Variants in JADE3 observed in about 807,000 individuals in gnomAD.
The protein encoded by JADE3 is protein Jade-3.
JADE3 carries 2 observed loss-of-function variants against 50.1 expected under a neutral mutation model. The ratio of observed to expected loss-of-function variants is 0.04; its 90% CI spans 0.02 to 0.13. The LOEUF is 0.13. Among genes scored for constraint, JADE3 ranks in the 10% least tolerant of loss-of-function variants. The pLI, the probability that JADE3 is intolerant of heterozygous loss-of-function variation, is 1.00. For missense variants in JADE3, 475 were observed against 634.4 expected (o/e 0.75, Z 2.70); for synonymous variants, 218 against 232.9 (o/e 0.94, Z 0.58).
rs1929583068 is a variant in JADE3 at position 47,054,302 on chromosome X, G to A, written c.1117G>A (p.Gly373Arg). The change falls in exon 9 of 11, where the codon GGA becomes AGA. Residue 373 changes from glycine (G) to arginine (R), a missense_variant. Physicochemically the swap from Gly to Arg is moderately radical, Grantham distance 125. Transcript: ENST00000614628. ...LKHSQNRQKL[G>R]EAEYPHHRAK... ...GCATAGCCAAAACAGGCAGAAACTT[G>A]GAGAAGCTGAGTACCCCCACCACAG... 15 of 1,210,117 alleles carry A rather than the reference G, an allele frequency of 1.2e-5. No individual in the cohort carries two copies. The highest frequency in any genetic ancestry group is 1.7e-5 in the Non-Finnish European group (15 of 895,044).
intron 1 of JADE3, among the ~76,000 whole-genome samples, chrX:46,917,834 C>CTCCCTCT (rs1556336773): frequency 4.7e-4 from 20 of 42,526 alleles, no homozygotes; most frequent in Non-Finnish European, 5.8e-4. Context: ...TCTCTCTCAT[C>CTCCCTCT]CTCTCTCTCT....
In JADE3 at chrX:47,061,050, G is replaced by C. The variant is rs1047264701; in HGVS notation, c.*1973G>C. 8.9e-6 allele frequency: 1 copy of C among 111,830 alleles called. No individual in the cohort carries two copies. The highest frequency in any genetic ancestry group is 1.9e-5 in the Non-Finnish European group (1 of 53,093). The allele number at this position is 111,830 out of a possible 1,213,427, so 9.2% of individuals were successfully genotyped here. ...AGGATATTCCTAGGTAAATGAAGGA[G>C]CCTTCAGTTGTAAATTTCAATTACC... On this transcript the variant is annotated 3_prime_UTR_variant, in exon 11 of 11. Coordinates refer to ENST00000614628, the MANE Select transcript of JADE3 (RefSeq NM_014735.5).
intron 1 of JADE3, among the ~76,000 whole-genome samples, chrX:46,963,827 C>T (rs1355110864): frequency 8.9e-6 from 1 of 111,823 alleles, no homozygotes; most frequent in Non-Finnish European, 1.9e-5. Context: ...ACTGGCACAC[C>T]ATCACCTCAT....
intron 4 of JADE3, among the ~76,000 whole-genome samples, chrX:47,009,992 T>C (rs1556361225): frequency 1.8e-5 from 2 of 110,696 alleles, no homozygotes; most frequent in South Asian, 7.5e-4. Flanking sequence ...AAAAAAGATT[T>C]TTTCACTTTC....
At chrX:46,926,364 C>G (rs1345228758) in intron 1 of JADE3, among the ~76,000 whole-genome samples, 1 of 110,415 alleles carries the variant, frequency 9.1e-6, no homozygotes, top group Non-Finnish European at 1.9e-5. Context: ...CCTACCTTAG[C>G]CTCCTGAGTA....
intron 1 of JADE3, among the ~76,000 whole-genome samples, chrX:46,958,502 C>G (rs1927184149): frequency 9.0e-6 from 1 of 111,477 alleles, no homozygotes; most frequent in Non-Finnish European, 1.9e-5. Context: ...GATTACCTGC[C>G]TGCAGCCTGC....
At chrX:46,933,979 T>C (rs1476110279) in intron 1 of JADE3, among the ~76,000 whole-genome samples, 1 of 111,904 alleles carries the variant, frequency 8.9e-6, no homozygotes. Context: ...TTCAAGTGTT[T>C]CTTATTTAAG....
chrX:46,990,753 T>C (rs1156863321), intron 3 of JADE3, among the ~76,000 whole-genome samples: 2 of 110,969 alleles, frequency 1.8e-5, no homozygotes, highest in Non-Finnish European at 3.8e-5. Context: ...TTCAGTGGGT[T>C]TTAGTATGTT....
chrX:47,008,042 T>G (rs1288732595), intron 4 of JADE3, among the ~76,000 whole-genome samples: 1 of 111,330 alleles, frequency 9.0e-6, no homozygotes, highest in East Asian at 2.8e-4. Flanking sequence ...CACTGAGAAT[T>G]CTACCAAACA....
At chrX:46,940,485 A>G (rs782027280) in intron 1 of JADE3, among the ~76,000 whole-genome samples, 30 of 111,770 alleles carry the variant, frequency 2.7e-4, no homozygotes, top group African/African-American at 9.4e-4. Flanking sequence ...TTTCCTGGTT[A>G]TATTTCTGTT....
chrX:47,057,097 G>C (rs1929646175), intron 10 of JADE3, among the ~76,000 whole-genome samples: 1 of 111,816 alleles, frequency 8.9e-6, no homozygotes, highest in African/African-American at 3.2e-5. Context: ...GAGAAGCAGA[G>C]GACAACAGGG....
At chrX:46,917,871 C>G (rs1208697230) in intron 1 of JADE3, among the ~76,000 whole-genome samples, 1 of 103,181 alleles carries the variant, frequency 9.7e-6, no homozygotes, top group African/African-American at 3.6e-5. Context: ...CTCTCTCTCT[C>G]TCTCTCTCTC....
At chrX:46,948,765 A>T (rs1556344125) in intron 1 of JADE3, among the ~76,000 whole-genome samples, 1 of 111,559 alleles carries the variant, frequency 9.0e-6, no homozygotes, top group Non-Finnish European at 1.9e-5. Context: ...GCCCCAGTCA[A>T]GAAGAACATT....
chrX:47,047,715 C>T (rs56257300), intron 8 of JADE3, among the ~76,000 whole-genome samples: 6,598 of 111,155 alleles, frequency 0.059, 477 homozygotes, highest in African/African-American at 0.2. Flanking sequence ...AGTTTGGCAG[C>T]TCCTCAAAAT....
At chrX:46,931,319 C>T (rs1209427341) in intron 1 of JADE3, among the ~76,000 whole-genome samples, 1 of 111,981 alleles carries the variant, frequency 8.9e-6, no homozygotes, top group Non-Finnish European at 1.9e-5. Context: ...AACAATTATG[C>T]CTGGAACTTT....
chrX:47,005,421 A>G (rs1928392310), intron 4 of JADE3, among the ~76,000 whole-genome samples: 1 of 110,748 alleles, frequency 9.0e-6, no homozygotes, highest in African/African-American at 3.3e-5. Flanking sequence ...TTGTATTTTT[A>G]GTAGAGGTGG....
intron 1 of JADE3, among the ~76,000 whole-genome samples, chrX:46,917,940 T>A (rs1220706827): frequency 1.9e-5 from 2 of 105,868 alleles, no homozygotes; most frequent in Non-Finnish European, 3.9e-5. Flanking sequence ...AAGCATATAG[T>A]GAGGCCTAAA....
At chrX:46,999,940 G>A (rs1266559240) in intron 4 of JADE3, among the ~76,000 whole-genome samples, 3 of 111,371 alleles carry the variant, frequency 2.7e-5, no homozygotes, top group Non-Finnish European at 5.7e-5. Flanking sequence ...AGAAATTGCA[G>A]ATCTTATTGT....
chrX:47,037,716 T>C (rs927553428), intron 7 of JADE3, among the ~76,000 whole-genome samples: 7 of 112,669 alleles, frequency 6.2e-5, no homozygotes, highest in African/African-American at 2.3e-4. Flanking sequence ...ATGTAATGCC[T>C]AATAATGACA....
Sources: gnomAD v4.1 joint callset for allele counts (sites outside exome capture counted in the v4.1 genomes callset) on GRCh38, gnomAD v4.1.1 for gene constraint, MANE v1.5 for transcripts, NCBI Gene and HGNC (gene_info 2026-07-23, HGNC 2026-07-21) for gene names.